Variants in TEX9 observed in about 807,000 individuals in gnomAD.
The protein encoded by TEX9 is testis-expressed protein 9.
In TEX9, 74 loss-of-function variants were observed where a neutral mutation model predicts 59.6. That is an observed-to-expected ratio of 1.24 (90% CI 1.03 to 1.51). The LOEUF is 1.51. Among genes scored for constraint, TEX9 ranks in the 40% most tolerant of loss-of-function variants. TEX9 has a pLI of 0.00. For missense variants in TEX9, 522 were observed against 447.8 expected (o/e 1.17, Z -1.49); for synonymous variants, 186 against 152.2 (o/e 1.22, Z -1.64).
At chr15:56,400,278 A>G (rs969789245) in intron 9 of TEX9, among the ~76,000 whole-genome samples, 4 of 152,242 alleles carry the variant, frequency 2.6e-5, no homozygotes, top group Non-Finnish European at 5.9e-5. Flanking sequence ...AACAGTGTAG[A>G]GAAGACCTTA....
At chr15:56,311,188 A>T (rs113106772) in intron 1 of TEX9, among the ~76,000 whole-genome samples, 1 of 140,832 alleles carries the variant, frequency 7.1e-6, no homozygotes, top group East Asian at 2.0e-4. Flanking sequence ...ACATGTGCAC[A>T]TTGTGCAGGT....
At chr15:56,385,219 A>G (rs545294375) in intron 4 of TEX9, among the ~76,000 whole-genome samples, 24 of 152,234 alleles carry the variant, frequency 1.6e-4, no homozygotes, top group African/African-American at 5.5e-4. Context: ...TATGGTTGTC[A>G]TTATGCCAAC....
At chr15:56,379,088 AG>A (rs2047601305) in intron 3 of TEX9, among the ~76,000 whole-genome samples, 7 of 151,322 alleles carry the variant, frequency 4.6e-5, no homozygotes, top group Middle Eastern at 3.4e-3. Flanking sequence ...AAAAAAAGAA[AG>A]AAAGAAAAAA....
chr15:56,318,041 AGT>A (rs1418623271), intron 1 of TEX9, among the ~76,000 whole-genome samples: 8 of 152,062 alleles, frequency 5.3e-5, no homozygotes, highest in African/African-American at 1.9e-4. Context: ...TCTTGTTTAT[AGT>A]CTATTGGTTC....
At chr15:56,409,468 T>C (rs1011639108) in intron 9 of TEX9, among the ~76,000 whole-genome samples, 3 of 152,154 alleles carry the variant, frequency 2.0e-5, no homozygotes, top group South Asian at 2.1e-4. Context: ...ATTGTTCTTA[T>C]TATCTGGAAT....
the TEX9 span, among the ~76,000 whole-genome samples, chr15:56,455,378 GT>G: frequency 6.6e-6 from 1 of 151,880 alleles, no homozygotes; most frequent in African/African-American, 2.4e-5. Context: ...CTAAGGATCG[GT>G]AATCTCTTAG....
At chr15:56,268,976 G>T (rs535049609) in intron 1 of TEX9, among the ~76,000 whole-genome samples, 5 of 152,144 alleles carry the variant, frequency 3.3e-5, no homozygotes, top group African/African-American at 1.2e-4. Context: ...TGGTTGGTAG[G>T]CTATTAATGA....
chr15:56,361,564 A>G (rs2046789416), upstream of TEX9, among the ~76,000 whole-genome samples: 1 of 152,156 alleles, frequency 6.6e-6, no homozygotes, highest in Non-Finnish European at 1.5e-5. Flanking sequence ...ACAATAAAAT[A>G]GTTTGTATAA....
rs1464390184 is a variant in TEX9 at position 56,305,699 on chromosome 15, G to A, written c.-107+61421G>A. ...AGAAAAGATTGGGAAAGCGCTCCAG[G>A]ACATTGGACTGGGCAATGATTTCTT... On this transcript the variant is annotated intron_variant, in intron 1 of 5. Coordinates refer to the TEX9 transcript ENST00000560827. Among the ~76,000 whole-genome samples the A allele has an allele frequency of 3.9e-5, 6 of 152,138 alleles. No homozygotes were observed. The East Asian group carries it at 1.2e-3, about 29-fold the overall frequency.
At chr15:56,253,918 G>A (rs1475801313) in intron 1 of TEX9, among the ~76,000 whole-genome samples, 1 of 151,984 alleles carries the variant, frequency 6.6e-6, no homozygotes, top group Non-Finnish European at 1.5e-5. Flanking sequence ...TTGGAATAGG[G>A]CTTCACTTTT....
chr15:56,279,081 A>G (rs2044752051), intron 1 of TEX9, among the ~76,000 whole-genome samples: 2 of 152,196 alleles, frequency 1.3e-5, no homozygotes, highest in African/African-American at 2.4e-5. Flanking sequence ...TACTCACAAC[A>G]TACATACATA....
intron 10 of TEX9, among the ~76,000 whole-genome samples, chr15:56,412,791 T>C (rs1192668222): frequency 2.0e-5 from 3 of 152,194 alleles, no homozygotes; most frequent in African/African-American, 7.2e-5. Context: ...CTCAGTTTTC[T>C]AATAGATAAA....
chr15:56,332,449 T>A (rs1343350887), intron 1 of TEX9, among the ~76,000 whole-genome samples: 1 of 130,562 alleles, frequency 7.7e-6, no homozygotes, highest in African/African-American at 2.9e-5. Flanking sequence ...AAGGGGAATA[T>A]CACACTCTGG....
rs187712627 is a variant in TEX9 at position 56,261,166 on chromosome 15, T to A, written c.-107+16888T>A. ...ATCAAATCTATTGATATTCTTTTTTTAAAAAAAGCTTTGGCTTTGTTGATT... is the reference window on the plus strand; with the variant it reads ...ATCAAATCTATTGATATTCTTTTTTAAAAAAAAGCTTTGGCTTTGTTGATT... On this transcript the variant is annotated intron_variant, in intron 1 of 5. Coordinates refer to the TEX9 transcript ENST00000560827. Among the ~76,000 whole-genome samples the A allele has an allele frequency of 8.2e-4, 124 of 152,100 alleles. 1 individual carries two copies. Among genetic ancestry groups the A allele is most frequent in the Non-Finnish European group, 7.4e-5 (5 of 67,974 alleles).
At chr15:56,347,979 T>C (rs756879648) in intron 1 of TEX9, among the ~76,000 whole-genome samples, 2 of 151,896 alleles carry the variant, frequency 1.3e-5, no homozygotes, top group Non-Finnish European at 2.9e-5. Flanking sequence ...CTAAAGAAAA[T>C]AGAGGATGTT....
intron 3 of TEX9, among the ~76,000 whole-genome samples, chr15:56,375,096 T>G (rs1271383298): frequency 6.6e-6 from 1 of 152,146 alleles, no homozygotes. Flanking sequence ...CCACACTGAC[T>G]TCCACAGTGG....
At chr15:56,381,976 G>C (rs1360429150) in intron 3 of TEX9, among the ~76,000 whole-genome samples, 2 of 152,202 alleles carry the variant, frequency 1.3e-5, no homozygotes, top group Non-Finnish European at 2.9e-5. Flanking sequence ...GGTGGGTCCA[G>C]AGATGCTGTC....
intron 1 of TEX9, among the ~76,000 whole-genome samples, chr15:56,311,422 C>G (rs1332003194): frequency 2.2e-5 from 3 of 137,140 alleles, no homozygotes; most frequent in African/African-American, 8.0e-5. Flanking sequence ...CGATAGTTTA[C>G]TGAGAATGAT....
chr15:56,445,692 G>A (rs2050894914), exon 13 of TEX9: 1 of 152,066 alleles, frequency 6.6e-6, no homozygotes. Context: ...AAGGCTCAGA[G>A]AAAAAGCCAA....
Sources: gnomAD v4.1 joint callset for allele counts (sites outside exome capture counted in the v4.1 genomes callset) on GRCh38, gnomAD v4.1.1 for gene constraint, MANE v1.5 for transcripts, NCBI Gene and HGNC (gene_info 2026-07-23, HGNC 2026-07-21) for gene names.